Variants in TNPO3 observed in about 807,000 individuals in gnomAD.
TNPO3 encodes the protein transportin 3.
TNPO3 carries 65 observed loss-of-function variants against 122.8 expected under a neutral mutation model. That is an observed-to-expected ratio of 0.53 (90% CI 0.43 to 0.65). The LOEUF is 0.65. Among genes scored for constraint, TNPO3 ranks in the 30% least tolerant of loss-of-function variants. The pLI is 0.00. For synonymous variants in TNPO3, 372 were observed against 411.2 expected (o/e 0.90, Z 1.15); for missense variants, 850 against 1,136.7 (o/e 0.75, Z 3.63).
At chr7:128,966,304 T>A (rs1027775585) in intron 21 of TNPO3, among the ~76,000 whole-genome samples, 2 of 152,206 alleles carry the variant, frequency 1.3e-5, no homozygotes, top group African/African-American at 4.8e-5. Context: ...TTCCAGTTTT[T>A]TCACTACTAC....
At chr7:129,046,195 C>CAA (rs5887409) in intron 1 of TNPO3, among the ~76,000 whole-genome samples, 23,739 of 78,530 alleles carry the variant, frequency 0.3, 4,735 homozygotes, top group Non-Finnish European at 0.38. Context: ...GACTCCGTCT[C>CAA]AAAAAAAAAA....
intron 12 of TNPO3, 69 bp from the exon 13 acceptor site, chr7:128,984,328 A>G: frequency 6.5e-6 from 7 of 1,071,684 alleles, no homozygotes; most frequent in Non-Finnish European, 9.8e-6. Context: ...GGACTACATC[A>G]TGTGAGTGAC....
At position 129,001,170 on chromosome 7, in the gene TNPO3, T is replaced by C. The variant is rs147630663; in HGVS notation, c.761A>G (p.Tyr254Cys). The change falls in exon 6 of 23, where the codon TAT (tyrosine) becomes TGT (cysteine). Residue 254 changes from tyrosine to cysteine, a missense_variant. Tyr to Cys is a radical substitution (Grantham distance 194, BLOSUM62 -2). Coordinates refer to ENST00000265388, the MANE Select transcript of TNPO3 (RefSeq NM_012470.4). ...AASDCVCSAL[Y>C]AIENVETNLP... is the part of the protein sequence containing the mutation. ...GTTAGTCTCCACATTCTCAATGGCATAGAGAGCTGAGCATACACAGTCCGA... is the reference window on the plus strand; with the variant it reads ...GTTAGTCTCCACATTCTCAATGGCACAGAGAGCTGAGCATACACAGTCCGA... 7.4e-6 allele frequency: 12 copies of C among 1,613,946 alleles called. No homozygotes were observed. Among genetic ancestry groups the C allele is most frequent in the South Asian group, 2.2e-5 (2 of 91,086 alleles).
intron 3 of TNPO3, among the ~76,000 whole-genome samples, chr7:129,016,040 G>A (rs1371961842): frequency 6.0e-5 from 9 of 150,548 alleles, no homozygotes; most frequent in Non-Finnish European, 1.2e-4. Flanking sequence ...AGCCATGACT[G>A]TGCCACTGCA....
chr7:128,999,077 T>C (rs577953552), intron 7 of TNPO3, among the ~76,000 whole-genome samples: 289 of 152,232 alleles, frequency 1.9e-3, no homozygotes, highest in Admixed American at 3.3e-3. Flanking sequence ...GGTCTTGAAC[T>C]CCTGACCTTA....
At chr7:129,022,970 GA>G (rs754548093) in intron 1 of TNPO3, among the ~76,000 whole-genome samples, 1 of 152,212 alleles carries the variant, frequency 6.6e-6, no homozygotes, top group Non-Finnish European at 1.5e-5. Context: ...AAAGTCGAAA[GA>G]GAAGTGGTAT....
intron 1 of TNPO3, among the ~76,000 whole-genome samples, chr7:129,049,359 C>CATTA (rs1808432813): frequency 1.3e-5 from 2 of 151,938 alleles, no homozygotes; most frequent in Non-Finnish European, 2.9e-5. Context: ...CTAGATCTGA[C>CATTA]AAGAGGAGAA....
intron 1 of TNPO3, among the ~76,000 whole-genome samples, chr7:129,048,910 CT>C (rs1402476584): frequency 6.6e-6 from 1 of 152,094 alleles, no homozygotes; most frequent in Admixed American, 6.5e-5. Context: ...GGGTATTGGA[CT>C]ACATAAACAA....
At chr7:129,020,969 G>T (rs1804424369) in intron 1 of TNPO3, among the ~76,000 whole-genome samples, 1 of 152,106 alleles carries the variant, frequency 6.6e-6, no homozygotes, top group Admixed American at 6.5e-5. Flanking sequence ...AAACAACAGG[G>T]TGTCTACTGG....
At chr7:128,959,393 C>T (rs1027202739) in intron 21 of TNPO3, among the ~76,000 whole-genome samples, 11 of 152,180 alleles carry the variant, frequency 7.2e-5, no homozygotes, top group Admixed American at 5.9e-4. Context: ...GAAACAGGGT[C>T]TCATTGTGTT....
At chr7:128,968,907 T>G (rs1475715450) in intron 20 of TNPO3, among the ~76,000 whole-genome samples, 2 of 151,626 alleles carry the variant, frequency 1.3e-5, no homozygotes, top group South Asian at 4.2e-4. Context: ...TTTTTTTTTT[T>G]GTAGGGATGG....
At chr7:129,032,542 T>A (rs1584585597) in intron 1 of TNPO3, among the ~76,000 whole-genome samples, 1 of 152,096 alleles carries the variant, frequency 6.6e-6, no homozygotes, top group African/African-American at 2.4e-5. Flanking sequence ...AATTAACAGA[T>A]TAAAATTAGT....
intron 1 of TNPO3, among the ~76,000 whole-genome samples, chr7:129,032,758 T>C (rs1248333153): frequency 6.6e-6 from 1 of 152,004 alleles, no homozygotes; most frequent in Non-Finnish European, 1.5e-5. Context: ...AGACTTAATA[T>C]TGTTAAGATT....
intron 21 of TNPO3, among the ~76,000 whole-genome samples, chr7:128,960,767 A>ATTC (rs1193458196): frequency 6.6e-6 from 1 of 151,174 alleles, no homozygotes; most frequent in Admixed American, 6.6e-5. Context: ...TATTATTATT[A>ATTC]TTATTATTTT....
intron 1 of TNPO3, among the ~76,000 whole-genome samples, chr7:129,034,255 T>C (rs1431811375): frequency 1.3e-5 from 2 of 152,230 alleles, no homozygotes; most frequent in African/African-American, 4.8e-5. Flanking sequence ...GCACAGGGGC[T>C]CACGCCTGTA....
chr7:128,966,017 T>A lies in TNPO3; in HGVS notation c.2711+1263A>T, dbSNP rs1027828027. ...GAGATTGGTTGTGCAACAACATGAA[T>A]ATATACTTAACCCTACTGAACTATG... On this transcript the variant is annotated intron_variant, in intron 21 of 22. Coordinates refer to ENST00000265388, the MANE Select transcript of TNPO3 (RefSeq NM_012470.4). Among the ~76,000 whole-genome samples, 4 of 152,342 alleles carry A rather than the reference T, an allele frequency of 2.6e-5. No homozygotes were observed. In the East Asian group the frequency reaches 7.7e-4, roughly 29 times the overall value.
intron 1 of TNPO3, among the ~76,000 whole-genome samples, chr7:129,021,244 A>G (rs1254273033): frequency 6.6e-6 from 1 of 151,716 alleles, no homozygotes; most frequent in Non-Finnish European, 1.5e-5. Flanking sequence ...AATCCCAGCT[A>G]CTCGGGAGGC....
chr7:129,023,742 G>A (rs1427672767), intron 1 of TNPO3, among the ~76,000 whole-genome samples: 1 of 152,142 alleles, frequency 6.6e-6, no homozygotes, highest in African/African-American at 2.4e-5. Context: ...TATCTTACAA[G>A]GGTAAAAATC....
chr7:128,972,670 AAAAAGAT>A, intron 18 of TNPO3, 88 bp from the exon 19 acceptor site: 1 of 1,233,882 alleles, frequency 8.1e-7, no homozygotes, highest in Non-Finnish European at 1.1e-6. Context: ...GAAGACAGTA[AAAAAGAT>A]CAGTGGTTGG....
Sources: gnomAD v4.1 joint callset for allele counts (sites outside exome capture counted in the v4.1 genomes callset) on GRCh38, gnomAD v4.1.1 for gene constraint, MANE v1.5 for transcripts, NCBI Gene and HGNC (gene_info 2026-07-23, HGNC 2026-07-21) for gene names.